Variants in DNAH8 observed in about 807,000 individuals in gnomAD.
The protein encoded by DNAH8 is axonemal beta dynein heavy chain 8.
In DNAH8, 382 loss-of-function variants were observed where a neutral mutation model predicts 562.1. The observed-to-expected ratio is 0.68, with a 90% confidence interval of 0.63 to 0.74. DNAH8 has a LOEUF of 0.74. DNAH8 is among the 30% of genes least tolerant of loss of function. The pLI, the probability that DNAH8 is intolerant of heterozygous loss-of-function variation, is 0.00. For missense variants in DNAH8, 5,203 were observed against 5,620.4 expected (o/e 0.93, Z 2.37); for synonymous variants, 1,881 against 1,919.4 (o/e 0.98, Z 0.52).
chr6:38,793,121 A>G (rs1290947600), intron 21 of DNAH8, among the ~76,000 whole-genome samples: 2 of 151,912 alleles, frequency 1.3e-5, no homozygotes, highest in Non-Finnish European at 2.9e-5. Context: ...CTTGACTATA[A>G]CTGAGACAAC....
At chr6:38,734,355 C>A in intron 4 of DNAH8, 119 bp from the exon 5 acceptor site, 4 of 924,078 alleles carry the variant, frequency 4.3e-6, no homozygotes, top group South Asian at 1.9e-5. Flanking sequence ...ATTCTATGAC[C>A]GTATTGAAAA....
At chr6:38,747,847 A>G (rs1349393393) in intron 8 of DNAH8, among the ~76,000 whole-genome samples, 1 of 152,170 alleles carries the variant, frequency 6.6e-6, no homozygotes, top group East Asian at 1.9e-4. Context: ...TTTGAGACTT[A>G]GTTTTATATA....
intron 85 of DNAH8, among the ~76,000 whole-genome samples, chr6:38,975,283 T>C (rs1030356627): frequency 1.2e-4 from 19 of 152,256 alleles, no homozygotes; most frequent in Non-Finnish European, 2.2e-4. Context: ...ATTCAAAAGC[T>C]ATACATTTTC....
At position 38,828,207 on chromosome 6, in the gene DNAH8, A is replaced by G; in HGVS notation, c.4107A>G (p.Arg1369=). Residue 1369 remains arginine, a synonymous_variant, in exon 30 of 93, where the codon AGA becomes AGG. Coordinates refer to ENST00000327475, the MANE Select transcript of DNAH8 (RefSeq NM_001206927.2). ...AGGAAGCCTATGCTATTTTAAACAG[A>G]TTTGAAGTTGAAGTAACCAAAGAAG... ...PIEEAYAILN[R]FEVEVTKEES... The G allele has an allele frequency of 6.3e-7, 1 of 1,595,080 alleles. No individual in the cohort carries two copies. Among genetic ancestry groups the G allele is most frequent in the Non-Finnish European group, 8.5e-7 (1 of 1,172,344 alleles).
chr6:38,990,729 G>C (rs1220109222), intron 88 of DNAH8, among the ~76,000 whole-genome samples: 3 of 152,172 alleles, frequency 2.0e-5, no homozygotes, highest in African/African-American at 7.2e-5. Context: ...CGGGAGGAAA[G>C]AGTGGAGGGG....
chr6:38,881,443 G>A (rs930112758), intron 53 of DNAH8, among the ~76,000 whole-genome samples: 27 of 152,080 alleles, frequency 1.8e-4, no homozygotes, highest in Non-Finnish European at 2.2e-4. Flanking sequence ...GGCAATGATA[G>A]GAATAACGCC....
chr6:38,914,422 A>G (rs1428321034), intron 67 of DNAH8, among the ~76,000 whole-genome samples: 1 of 104,248 alleles, frequency 9.6e-6, no homozygotes, highest in Non-Finnish European at 1.8e-5. Flanking sequence ...TTTTTTTGAG[A>G]CAGAGTCTTG....
In DNAH8 at chr6:38,883,998, G is replaced by A; in HGVS notation, c.8259G>A (p.Gln2753=). Residue 2753 remains glutamine (Q), a splice_region_variant and synonymous_variant, in exon 56 of 93, where the codon CAG becomes CAA. Coordinates refer to ENST00000327475, the MANE Select transcript of DNAH8 (RefSeq NM_001206927.2). ...NMPVINEWGD[Q]ITNEIVRQMM... ...CTGTGATTAATGAGTGGGGAGATCAGGTATGGCTGAAATATCTCATATAGA... is the reference window on the plus strand; with the variant it reads ...CTGTGATTAATGAGTGGGGAGATCAAGTATGGCTGAAATATCTCATATAGA... 6.5e-7 allele frequency: 1 copy of A among 1,538,986 alleles called. No individual in the cohort carries two copies. Among genetic ancestry groups the A allele is most frequent in the Non-Finnish European group, 8.8e-7 (1 of 1,139,634 alleles).
chr6:38,984,944 C>A (rs930057353), intron 87 of DNAH8, among the ~76,000 whole-genome samples: 1 of 152,190 alleles, frequency 6.6e-6, no homozygotes, highest in Non-Finnish European at 1.5e-5. Context: ...CTCCATCTTC[C>A]GCATTCCTGT....
chr6:38,923,278 A>G, intron 72 of DNAH8, 93 bp downstream of exon 72: 1 of 1,474,978 alleles, frequency 6.8e-7, no homozygotes, highest in South Asian at 1.3e-5. Context: ...GAATCCCATC[A>G]TCTATGACAG....
intron 62 of DNAH8, among the ~76,000 whole-genome samples, chr6:38,904,442 A>G (rs1780292220): frequency 6.6e-6 from 1 of 152,176 alleles, no homozygotes; most frequent in Non-Finnish European, 1.5e-5. Context: ...AAGAGGCAAG[A>G]CAGAGAGGAG....
At position 38,966,920 on chromosome 6, in the gene DNAH8, G is replaced by C. The variant is rs115239318; in HGVS notation, c.12452-4672G>C. 5.0e-3 allele frequency among the ~76,000 whole-genome samples: 761 copies of C among 152,232 alleles called. 7 individuals are homozygous for C. The highest frequency in any genetic ancestry group is 0.018 in the African/African-American group (732 of 41,532). On this transcript the variant is annotated intron_variant, in intron 82 of 92. Transcript: ENST00000327475. ...CCTATTTCATAGATGACTTCTCATT[G>C]TGTCTTCACATGGTGGAAGGAGGGC... is the stretch of plus-strand genomic sequence containing the variant.
intron 91 of DNAH8, among the ~76,000 whole-genome samples, chr6:39,024,736 G>T (rs1341429240): frequency 6.6e-6 from 1 of 152,168 alleles, no homozygotes; most frequent in Non-Finnish European, 1.5e-5. Flanking sequence ...CAGAGCACAG[G>T]CATTGACCAG....
At chr6:38,808,156 T>G (rs1771466729) in intron 24 of DNAH8, among the ~76,000 whole-genome samples, 1 of 152,204 alleles carries the variant, frequency 6.6e-6, no homozygotes, top group Non-Finnish European at 1.5e-5. Flanking sequence ...CGTAGTCTGT[T>G]TATCCATTCT....
chr6:38,814,096 A>C lies in DNAH8; in HGVS notation c.3300A>C (p.Ile1100=). The C allele has an allele frequency of 6.3e-7, 1 of 1,585,822 alleles. No homozygotes were observed. The highest frequency in any genetic ancestry group is 8.7e-7 in the Non-Finnish European group (1 of 1,156,062). The change falls in exon 25 of 93, where the codon ATA becomes ATC. Residue 1100 remains isoleucine, a synonymous_variant. Transcript: ENST00000327475. The part of the protein sequence containing the change: ...RKQSEDIISF[I]KSEVHLAIPN... The stretch of plus-strand genomic sequence containing the variant: ...AGTCAGAAGATATTATTTCCTTTAT[A>C]AAAAGTGAAGTACATCTTGCAATTC...
intron 85 of DNAH8, among the ~76,000 whole-genome samples, chr6:38,977,237 G>C: frequency 6.6e-6 from 1 of 152,126 alleles, no homozygotes; most frequent in Non-Finnish European, 1.5e-5. Flanking sequence ...CCTGGGTGCT[G>C]CCATGGGAAC....
chr6:38,842,183 C>CT (rs1405758421), intron 33 of DNAH8, among the ~76,000 whole-genome samples, 185 bp from the exon 34 acceptor site: 4 of 152,196 alleles, frequency 2.6e-5, no homozygotes, highest in African/African-American at 9.6e-5. Context: ...GTAAACTTGG[C>CT]CTTAATGACA....
rs373914023 is a variant in DNAH8, at chr6:38,923,080, C to T, written c.10685C>T (p.Thr3562Met). ...CAGGATTTGCTTAATGACGCTGATA[C>T]GTGCCGGAAAAAGATGCAGGCCGCC... is the stretch of plus-strand genomic sequence containing the variant. ...EKMDLLNDAD[T>M]CRKKMQAAST... The change falls in exon 72 of 93, where the codon ACG (threonine) becomes ATG (methionine). Residue 3562 changes from threonine to methionine, a missense_variant. Physicochemically the swap from Thr to Met is moderately conservative, Grantham distance 81 (BLOSUM62 -1). Coordinates refer to ENST00000327475, the MANE Select transcript of DNAH8 (RefSeq NM_001206927.2). The T allele has an allele frequency of 4.5e-5, 72 of 1,613,354 alleles. No homozygotes were observed. The East Asian group carries it at 9.8e-4, about 22-fold the overall frequency.
At chr6:38,962,445 A>G (rs1351429379) in intron 82 of DNAH8, among the ~76,000 whole-genome samples, 1 of 152,178 alleles carries the variant, frequency 6.6e-6, no homozygotes. Flanking sequence ...ATTGATAAAT[A>G]TGGAGCAAAA....
Sources: allele counts gnomAD v4.1 joint callset (sites outside exome capture counted in the v4.1 genomes callset), GRCh38; gene constraint gnomAD v4.1.1; transcripts MANE v1.5; gene names NCBI Gene and HGNC (gene_info 2026-07-23, HGNC 2026-07-21).